The following AIG1 variants were observed in gnomAD, a reference collection of about 807,000 sequenced individuals.
AIG1 encodes the protein androgen-induced gene 1 protein.
AIG1 carries 23 observed loss-of-function variants against 31.4 expected under a neutral mutation model. The observed-to-expected ratio is 0.73, with a 90% CI of 0.53 to 1.04. The LOEUF is 1.04. AIG1 is among the 50% of genes least tolerant of loss of function. The probability of loss-of-function intolerance (pLI) is 0.00; values close to 1 mark genes in which losing one functional copy is unlikely to be tolerated. For synonymous variants in AIG1, 100 were observed against 110.5 expected, an observed-to-expected ratio of 0.90 and a Z score of 0.60; for missense variants, 274 against 295.0, an observed-to-expected ratio of 0.93 and a Z score of 0.52.
At chr6:143,142,705 G>A (rs118010571) in intron 2 of AIG1, among the ~76,000 whole-genome samples, 6 of 152,296 alleles carry the variant, frequency 3.9e-5, no homozygotes, top group Non-Finnish European at 8.8e-5. Flanking sequence ...TGTTTGTTAA[G>A]TAACTATTTT....
intron 3 of AIG1, among the ~76,000 whole-genome samples, chr6:143,200,292 T>G (rs1234056558): frequency 6.6e-6 from 1 of 152,118 alleles, no homozygotes; most frequent in African/African-American, 2.4e-5. Context: ...TAAGCCAGTT[T>G]TATTGGAGTA....
rs1335879307 is a variant in AIG1, at chr6:143,138,979, C to A, written c.297+1989C>A. Among the ~76,000 whole-genome samples the A allele has an allele frequency of 2.6e-5, 4 of 151,012 alleles. No individual in the cohort carries two copies. The East Asian group carries it at 5.8e-4, about 22-fold the overall frequency. ...TTCTGTATGTGATATCAAATTATGT[C>A]TCTACAGGGAAAATTTTGACTTATG... On this transcript the variant is annotated intron_variant, in intron 2 of 5. Transcript: ENST00000357847.
chr6:143,267,092 TCTC>T (rs1796208956), intron 3 of AIG1, among the ~76,000 whole-genome samples: 1 of 152,254 alleles, frequency 6.6e-6, no homozygotes, highest in African/African-American at 2.4e-5. Context: ...TTGTAAAACA[TCTC>T]CTCCTCATGG....
intron 4 of AIG1, among the ~76,000 whole-genome samples, chr6:143,285,451 C>A (rs1446251332): frequency 6.6e-6 from 1 of 151,214 alleles, no homozygotes; most frequent in Admixed American, 6.6e-5. Context: ...CACTTGAGAC[C>A]GGGAGTTCGA....
intron 1 of AIG1, among the ~76,000 whole-genome samples, chr6:143,131,842 A>G (rs892861666): frequency 1.3e-5 from 2 of 152,212 alleles, no homozygotes; most frequent in Non-Finnish European, 2.9e-5. Flanking sequence ...CAAGCTGAGG[A>G]GTAATATATT....
chr6:143,126,188 T>A (rs1046533919), intron 1 of AIG1: 1 of 152,196 alleles, frequency 6.6e-6, no homozygotes, highest in African/African-American at 2.4e-5. Flanking sequence ...CACCAGGCGG[T>A]GCATCTAATG....
intron 4 of AIG1, among the ~76,000 whole-genome samples, chr6:143,313,304 G>A (rs1348213605): frequency 6.6e-6 from 1 of 152,104 alleles, no homozygotes; most frequent in Non-Finnish European, 1.5e-5. Flanking sequence ...AACAACCTAT[G>A]TGTCCAAAAA....
chr6:143,234,149 C>G (rs541468682), intron 3 of AIG1, among the ~76,000 whole-genome samples: 1 of 152,168 alleles, frequency 6.6e-6, no homozygotes, highest in East Asian at 1.9e-4. Flanking sequence ...GGTTGGTGGT[C>G]GGCGGGGGGA....
rs150729901 is a variant in AIG1, at chr6:143,247,172, G to A, written c.400-36938G>A. ...TTTTTAGACAGCATCTCACTCTGTCGCCAGGCTGGAGTGCAATGGCACAAT... is the reference window on the plus strand; with the variant it reads ...TTTTTAGACAGCATCTCACTCTGTCACCAGGCTGGAGTGCAATGGCACAAT... On this transcript the variant is annotated intron_variant, in intron 3 of 5. Transcript: ENST00000357847. Among the ~76,000 whole-genome samples the A allele has an allele frequency of 2.1e-4, 32 of 152,038 alleles. No homozygotes were observed. In the East Asian group the frequency reaches 3.1e-3, roughly 15 times the overall value.
chr6:143,297,170 T>C lies in AIG1; in HGVS notation c.515+12945T>C, dbSNP rs1583780041. 6.6e-6 allele frequency among the ~76,000 whole-genome samples: 1 copy of C among 152,296 alleles called. No homozygotes were observed. Among genetic ancestry groups the C allele is most frequent in the South Asian group, 2.1e-4 (1 of 4,828 alleles). On this transcript the variant is annotated intron_variant, in intron 4 of 5. Transcript: ENST00000357847. The surrounding 1 kb of genome is among the most constrained non-coding windows in gnomAD (Gnocchi z 5.1). ...GAAAGGCTTCCCGGAGGAAATGACATGTAAGCTGCCTCTTGGAGGGTGAAT... is the reference window on the plus strand; with the variant it reads ...GAAAGGCTTCCCGGAGGAAATGACACGTAAGCTGCCTCTTGGAGGGTGAAT...
In AIG1 at chr6:143,280,866, T is replaced by A. The variant is rs1001160420; in HGVS notation, c.400-3244T>A. 6.6e-6 allele frequency among the ~76,000 whole-genome samples: 1 copy of A among 152,134 alleles called. No individual in the cohort carries two copies. Among genetic ancestry groups the A allele is most frequent in the African/African-American group, 2.4e-5 (1 of 41,430 alleles). Reference sequence around the variant, plus strand: ...ACAAACCTTCACGTGTATCCCCAAATCTAAAATAAAAGTTAAAAAAAAGTT... The same window carrying A: ...ACAAACCTTCACGTGTATCCCCAAAACTAAAATAAAAGTTAAAAAAAAGTT... On this transcript the variant is annotated intron_variant, in intron 3 of 5. Coordinates refer to ENST00000357847, the MANE Select transcript of AIG1 (RefSeq NM_016108.4). The surrounding 1 kb of genome is among the most constrained non-coding windows in gnomAD (Gnocchi z 4.1).
intron 2 of AIG1, among the ~76,000 whole-genome samples, chr6:143,144,491 A>T (rs1253209538): frequency 6.6e-6 from 1 of 152,196 alleles, no homozygotes; most frequent in Admixed American, 6.5e-5. Flanking sequence ...AGAGGGGTTA[A>T]TTTAAGTGGG....
At chr6:143,166,475 AG>A (rs1786951073) in intron 3 of AIG1, among the ~76,000 whole-genome samples, 2 of 152,156 alleles carry the variant, frequency 1.3e-5, no homozygotes, top group South Asian at 2.1e-4. Flanking sequence ...ATCTTCTTTA[AG>A]AAGCCATTCC....
chr6:143,173,373 G>A (rs1268198084), intron 3 of AIG1, among the ~76,000 whole-genome samples: 3 of 151,962 alleles, frequency 2.0e-5, no homozygotes, highest in African/African-American at 7.2e-5. Context: ...AGCCACCATG[G>A]CCTACCTCAT....
In AIG1 at chr6:143,153,389, C is replaced by T. The variant is rs184992708; in HGVS notation, c.298-11693C>T. 2.0e-3 allele frequency among the ~76,000 whole-genome samples: 301 copies of T among 152,156 alleles called. 2 individuals are homozygous for T. The highest frequency in any genetic ancestry group is 7.0e-3 in the African/African-American group (289 of 41,520). On this transcript the variant is annotated intron_variant, in intron 2 of 5. Coordinates refer to ENST00000357847, the MANE Select transcript of AIG1 (RefSeq NM_016108.4). ...TTGAGATGGAGTCTCGCTCTGTCAC[C>T]CAGGCTGGAGTGCAGTGGTGTGATC...
In AIG1 at chr6:143,334,581, A is replaced by G. The variant is rs984853597; in HGVS notation, c.679+1136A>G. On this transcript the variant is annotated intron_variant, in intron 5 of 5. Transcript: ENST00000357847. This position sits in a 1 kb window ranked among gnomAD's most constrained non-coding sequence, Gnocchi z 5.1. ...AGTATCAACATTTTTAATTCTGTTC[A>G]GGCCACAGCTTGGGGAACAAGACAC... 6.6e-6 allele frequency among the ~76,000 whole-genome samples: 1 copy of G among 152,236 alleles called. No individual in the cohort carries two copies. Among genetic ancestry groups the G allele is most frequent in the African/African-American group, 2.4e-5 (1 of 41,466 alleles).
chr6:143,305,192 A>C (rs1007799863), intron 4 of AIG1, among the ~76,000 whole-genome samples: 4 of 152,048 alleles, frequency 2.6e-5, no homozygotes, highest in Admixed American at 1.3e-4. Context: ...TGGATTCATT[A>C]ATTTTTTGAA....
intron 3 of AIG1, among the ~76,000 whole-genome samples, chr6:143,170,436 AC>A (rs1787387804): frequency 1.3e-5 from 2 of 151,782 alleles, no homozygotes; most frequent in African/African-American, 4.8e-5. Flanking sequence ...CAAGTGCTGT[AC>A]CCCGGAGCTG....
At chr6:143,241,058 A>G (rs566695757) in intron 3 of AIG1, among the ~76,000 whole-genome samples, 1 of 152,170 alleles carries the variant, frequency 6.6e-6, no homozygotes, top group African/African-American at 2.4e-5. Context: ...GAGAATCTCT[A>G]TCCATCAGCA....
Sources: gnomAD v4.1 joint callset for allele counts (sites outside exome capture counted in the v4.1 genomes callset) on GRCh38, gnomAD v4.1.1 for gene constraint, Gnocchi (gnomAD v3.1) non-coding constraint, MANE v1.5 for transcripts, NCBI Gene and HGNC (gene_info 2026-07-23, HGNC 2026-07-21) for gene names.